The following PLXNA4 variants were observed in gnomAD, a reference collection of about 807,000 sequenced individuals.
The protein encoded by PLXNA4 is plexin-A4.
A neutral mutation model predicts 191.8 loss-of-function variants in PLXNA4; 44 were observed. The observed-to-expected ratio is 0.23, with a 90% confidence interval of 0.18 to 0.29. The LOEUF (loss-of-function observed/expected upper bound fraction) is 0.29, where lower values mean the gene tolerates loss of function less well. Ranked by LOEUF, PLXNA4 falls within the 10% of genes least tolerant of loss-of-function variation. The pLI is 1.00. For missense variants in PLXNA4, 1,800 were observed against 2,488.8 expected (o/e 0.72, Z 5.89); for synonymous variants, 1,082 against 1,009.5 (o/e 1.07, Z -1.36).
Position 132,130,375 on chromosome 7 carries a change from A to ATGC in PLXNA4, c.*101_*103dup. On this transcript the variant is annotated 3_prime_UTR_variant, in exon 32 of 32. Coordinates refer to ENST00000321063, the MANE Select transcript of PLXNA4 (RefSeq NM_020911.2). Reference sequence around the variant, plus strand: ...AGAGAGAAACAGCGCTGCTCAGGGGATGCTGCTGATGCCAGTCGGAACTTG... The same window carrying ATGC: ...AGAGAGAAACAGCGCTGCTCAGGGGATGCTGCTGCTGATGCCAGTCGGAACTTG... 1 of 1,497,556 alleles carries ATGC rather than the reference A, an allele frequency of 6.7e-7. No homozygotes were observed. Among genetic ancestry groups the ATGC allele is most frequent in the African/African-American group, 1.4e-5 (1 of 73,428 alleles). 92.8% of individuals were successfully genotyped at this position (1,497,556 alleles called of 1,614,324 possible).
At chr7:132,565,976 G>T (rs1397425103) in intron 1 of PLXNA4, among the ~76,000 whole-genome samples, 1 of 152,162 alleles carries the variant, frequency 6.6e-6, no homozygotes, top group East Asian at 1.9e-4. Context: ...CACTGCAGTT[G>T]GGTTCGAACT....
chr7:132,376,754 G>A (rs1298146214), intron 3 of PLXNA4, among the ~76,000 whole-genome samples: 2 of 152,152 alleles, frequency 1.3e-5, no homozygotes, highest in African/African-American at 4.8e-5. Flanking sequence ...CCTGGATTTG[G>A]AACCAGAAGA....
At chr7:132,228,734 A>T (rs562305080) in intron 5 of PLXNA4, among the ~76,000 whole-genome samples, 2 of 152,280 alleles carry the variant, frequency 1.3e-5, no homozygotes, top group African/African-American at 4.8e-5. Context: ...AACTCACATA[A>T]GGTGTTGCAC....
chr7:132,594,898 CATAGATAGATAGGTAGATAGATAGATAG>C (rs1802668644), intron 2 of PLXNA4, among the ~76,000 whole-genome samples: 2 of 142,382 alleles, frequency 1.4e-5, no homozygotes, highest in African/African-American at 2.7e-5. Flanking sequence ...TCCATTCAGA[CATAGATAGATAGGTAGATAGATAGATAG>C]ATAGATAGAT....
intron 4 of PLXNA4, among the ~76,000 whole-genome samples, chr7:132,283,440 G>A (rs757358371): frequency 6.6e-6 from 1 of 152,178 alleles, no homozygotes; most frequent in African/African-American, 2.4e-5. Context: ...TACGATCCTG[G>A]GCATTTGTGT....
At chr7:132,462,728 C>T (rs1489187894) in intron 3 of PLXNA4, among the ~76,000 whole-genome samples, 1 of 152,066 alleles carries the variant, frequency 6.6e-6, no homozygotes, top group Non-Finnish European at 1.5e-5. Flanking sequence ...CAGGCATGAG[C>T]CACCACGCCC....
At chr7:132,464,550 G>A (rs1796630093) in intron 3 of PLXNA4, among the ~76,000 whole-genome samples, 1 of 152,116 alleles carries the variant, frequency 6.6e-6, no homozygotes. Flanking sequence ...ACAGTGAAAG[G>A]GCTTTGCAAA....
chr7:132,462,205 G>T (rs1796534122), intron 3 of PLXNA4, among the ~76,000 whole-genome samples: 1 of 152,050 alleles, frequency 6.6e-6, no homozygotes, highest in African/African-American at 2.4e-5. Flanking sequence ...AGGGAATGTG[G>T]GTTTAAATGT....
At chr7:132,315,727 C>A (rs917210270) in intron 3 of PLXNA4, among the ~76,000 whole-genome samples, 1 of 152,080 alleles carries the variant, frequency 6.6e-6, no homozygotes, top group African/African-American at 2.4e-5. Context: ...GTGTGCTTCC[C>A]AGAAGAGTGG....
intron 31 of PLXNA4, among the ~76,000 whole-genome samples, chr7:132,130,944 T>G (rs569000985): frequency 6.6e-6 from 1 of 152,280 alleles, no homozygotes; most frequent in African/African-American, 2.4e-5. Flanking sequence ...CCATATCCGA[T>G]GGAAATGCGT....
chr7:132,208,725 T>G (rs1414578482), intron 10 of PLXNA4, among the ~76,000 whole-genome samples: 1 of 152,140 alleles, frequency 6.6e-6, no homozygotes, highest in Non-Finnish European at 1.5e-5. Flanking sequence ...GGTCCAAGGA[T>G]TCAACACCCG....
At chr7:132,414,952 T>A (rs775605320) in intron 3 of PLXNA4, among the ~76,000 whole-genome samples, 2 of 152,140 alleles carry the variant, frequency 1.3e-5, no homozygotes, top group Admixed American at 6.5e-5. Context: ...AATCAATCCA[T>A]TGGAATCCAC....
chr7:132,210,649 C>G (rs931384204), intron 10 of PLXNA4, among the ~76,000 whole-genome samples: 1 of 152,162 alleles, frequency 6.6e-6, no homozygotes, highest in African/African-American at 2.4e-5. Context: ...AAACAGGGCT[C>G]ACAGCTCCAC....
chr7:132,597,851 C>CTATATA (rs1216505114), intron 2 of PLXNA4, among the ~76,000 whole-genome samples: 1 of 58,640 alleles, frequency 1.7e-5, no homozygotes, highest in Non-Finnish European at 5.3e-5. Context: ...CTCTCTCTCT[C>CTATATA]TCTCTCTCTA....
rs571768848 is a variant in PLXNA4, at chr7:132,400,780, G to A, written c.1371+88512C>T. 1.6e-3 allele frequency among the ~76,000 whole-genome samples: 240 copies of A among 152,280 alleles called. 6 individuals carry two copies. In the South Asian group the frequency reaches 0.043, roughly 27 times the overall value. On this transcript the variant is annotated intron_variant, in intron 3 of 31. Transcript: ENST00000321063. ...TGTCCTCCTCGGGAAAGCTCCCTGC[G>A]CACAGCTTGTGGGAGACTGCAGGCT...
chr7:132,212,658 A>G (rs1181911296), intron 9 of PLXNA4, among the ~76,000 whole-genome samples: 1 of 152,194 alleles, frequency 6.6e-6, no homozygotes, highest in African/African-American at 2.4e-5. Context: ...AGAGGAGGGA[A>G]AGAGAGGCAG....
At chr7:132,606,171 AG>A (rs1802920415) in intron 2 of PLXNA4, among the ~76,000 whole-genome samples, 1 of 152,200 alleles carries the variant, frequency 6.6e-6, no homozygotes, top group Non-Finnish European at 1.5e-5. Flanking sequence ...CTCAAATAAA[AG>A]AAAAGAAGCA....
chr7:132,320,738 T>C (rs1802127531), intron 3 of PLXNA4, among the ~76,000 whole-genome samples: 1 of 152,102 alleles, frequency 6.6e-6, no homozygotes, highest in Non-Finnish European at 1.5e-5. Flanking sequence ...CTGAGTGCAG[T>C]GGTTCTCAGA....
intron 2 of PLXNA4, among the ~76,000 whole-genome samples, chr7:132,608,380 G>C (rs917553504): frequency 1.3e-5 from 2 of 152,156 alleles, no homozygotes; most frequent in African/African-American, 4.8e-5. Context: ...TTCTATGCTT[G>C]TTGGGACCGT....
Sources: allele counts gnomAD v4.1 joint callset (sites outside exome capture counted in the v4.1 genomes callset), GRCh38; gene constraint gnomAD v4.1.1; transcripts MANE v1.5; gene names NCBI Gene and HGNC (gene_info 2026-07-23, HGNC 2026-07-21).